The following ZNF800 variants were observed in gnomAD, a reference collection of about 807,000 sequenced individuals.
ZNF800 encodes zinc finger protein 800.
Under a neutral mutation model 59.5 loss-of-function variants are expected in ZNF800, and 13 were observed. The ratio of observed to expected loss-of-function variants is 0.22; its 90% CI spans 0.14 to 0.35. The LOEUF is 0.35. Ranked by LOEUF, ZNF800 falls within the 10% of genes least tolerant of loss-of-function variation. The probability of loss-of-function intolerance (pLI) is 1.00; values close to 1 mark genes in which losing one functional copy is unlikely to be tolerated. For missense variants in ZNF800, 621 were observed against 783.7 expected, an observed-to-expected ratio of 0.79 and a Z score of 2.48; for synonymous variants, 266 against 265.7, an observed-to-expected ratio of 1.00 and a Z score of -0.01.
At chr7:127,354,214 A>T in intron 1 of ZNF800, among the ~76,000 whole-genome samples, 1 of 152,174 alleles carries the variant, frequency 6.6e-6, no homozygotes, top group Non-Finnish European at 1.5e-5. Flanking sequence ...ACAGCTATTT[A>T]TAAATTTCCC....
intron 1 of ZNF800, chr7:127,348,111 G>A (rs1285039127): frequency 2.6e-5 from 4 of 152,058 alleles, no homozygotes; most frequent in African/African-American, 9.7e-5. Flanking sequence ...TAGAAACCAA[G>A]GAAAGAGCGC....
chr7:127,383,534 T>C (rs1023027821), intron 3 of ZNF800, among the ~76,000 whole-genome samples: 7 of 152,122 alleles, frequency 4.6e-5, no homozygotes, highest in Non-Finnish European at 8.8e-5. Context: ...TAGAGTGGAA[T>C]AGGAAGAACA....
rs757192228 is a variant in ZNF800, at chr7:127,371,804, C to A, written c.*10G>T. 5.2e-6 allele frequency: 4 copies of A among 767,136 alleles called. No homozygotes were observed. Among genetic ancestry groups the A allele is most frequent in the South Asian group, 1.4e-5 (1 of 71,758 alleles). The allele number at this position is 767,136 out of a possible 1,614,324, so 47.5% of individuals were successfully genotyped here. On this transcript the variant is annotated 3_prime_UTR_variant, in exon 6 of 6. Coordinates refer to ENST00000265827, the MANE Select transcript of ZNF800 (RefSeq NM_176814.5). ...GAACTCCAAACCTTTTCGTACATCA[C>A]TTGAAGTTATCTGAGGAGAAATGGG...
downstream of ZNF800, among the ~76,000 whole-genome samples, chr7:127,368,693 T>C (rs761158950): frequency 1.3e-5 from 2 of 152,044 alleles, no homozygotes; most frequent in South Asian, 2.1e-4. Context: ...TCTACCTATC[T>C]CCACATGTAT....
chr7:127,366,147 G>GA, downstream of ZNF800, among the ~76,000 whole-genome samples: 1 of 152,152 alleles, frequency 6.6e-6, no homozygotes, highest in Non-Finnish European at 1.5e-5. Flanking sequence ...AGGTCTTCTT[G>GA]ACTCTTAAAA....
At chr7:127,349,698 C>T (rs1436040342) in intron 1 of ZNF800, 1 of 152,082 alleles carries the variant, frequency 6.6e-6, no homozygotes, top group Admixed American at 6.5e-5. Flanking sequence ...AGAATAAATC[C>T]TCTTAAGGCC....
At chr7:127,379,833 G>GCCCCCC (rs1184865878) in intron 3 of ZNF800, among the ~76,000 whole-genome samples, 13 of 12,702 alleles carry the variant, frequency 1.0e-3, no homozygotes, top group East Asian at 9.3e-3. Flanking sequence ...CCTTACCCTT[G>GCCCCCC]CCACCCCCCC....
At chr7:127,357,131 T>C (rs1383649857) in intron 1 of ZNF800, among the ~76,000 whole-genome samples, 2 of 152,022 alleles carry the variant, frequency 1.3e-5, no homozygotes, top group African/African-American at 4.8e-5. Flanking sequence ...AGGTACGTGG[T>C]GGTAAATAGG....
chr7:127,345,507 G>A (rs1800043911), downstream of ZNF800, among the ~76,000 whole-genome samples: 1 of 152,142 alleles, frequency 6.6e-6, no homozygotes, highest in South Asian at 2.1e-4. Flanking sequence ...TGGTGGGAGA[G>A]AGGGTGGCTG....
intron 1 of ZNF800, chr7:127,363,395 A>G (rs772483675): frequency 6.6e-6 from 1 of 152,090 alleles, no homozygotes; most frequent in Non-Finnish European, 1.5e-5. Flanking sequence ...ACCTAGTAAC[A>G]AAACAAAAGC....
In ZNF800 at chr7:127,371,524, G is replaced by T. The variant is rs949635811; in HGVS notation, c.*290C>A. On this transcript the variant is annotated 3_prime_UTR_variant, in exon 6 of 6. Coordinates refer to ENST00000265827, the MANE Select transcript of ZNF800 (RefSeq NM_176814.5). ...AGAAAACAAAATTTGTAACATTTTT[G>T]TAGAAACTGTCGACCAAATGCACAA... 3.4e-6 allele frequency: 1 copy of T among 291,230 alleles called. No homozygotes were observed. Among genetic ancestry groups the T allele is most frequent in the Non-Finnish European group, 6.3e-6 (1 of 158,010 alleles). 18.0% of individuals were successfully genotyped at this position (291,230 alleles called of 1,614,324 possible). A position where few individuals can be genotyped will look rare whatever the true frequency, so the allele number is the denominator to read the frequency against.
chr7:127,363,794 G>A (rs761568588), intron 1 of ZNF800: 28 of 151,946 alleles, frequency 1.8e-4, no homozygotes, highest in Admixed American at 9.2e-4. Context: ...AGCCAAAAGA[G>A]GCTAAAGTGA....
chr7:127,375,823 C>G (rs772687278), intron 4 of ZNF800, among the ~76,000 whole-genome samples: 189 of 152,050 alleles, frequency 1.2e-3, no homozygotes, highest in Non-Finnish European at 1.2e-3. Context: ...AGTACCAAAT[C>G]TGGTATCTAT....
At chr7:127,388,143 A>G (rs1801195121) in intron 2 of ZNF800, among the ~76,000 whole-genome samples, 1 of 152,182 alleles carries the variant, frequency 6.6e-6, no homozygotes, top group Non-Finnish European at 1.5e-5. Context: ...ATAGGGTTGT[A>G]TAGGGGTTAA....
chr7:127,375,083 A>T, intron 4 of ZNF800, 49 bp from the exon 5 acceptor site: 1 of 1,432,934 alleles, frequency 7.0e-7, no homozygotes, highest in Non-Finnish European at 9.3e-7. Flanking sequence ...AGCCTGCTGT[A>T]GCCCTCTAAT....
Position 127,392,071 on chromosome 7 carries a change from G to T in ZNF800, c.-70C>A, listed in dbSNP as rs1483423724. 1 of 390,646 alleles carries T rather than the reference G, an allele frequency of 2.6e-6. No individual in the cohort carries two copies. Among genetic ancestry groups the T allele is most frequent in the Non-Finnish European group, 4.5e-6 (1 of 221,236 alleles). The allele number at this position is 390,646 out of a possible 1,614,324, so 24.2% of individuals were successfully genotyped here. The stretch of plus-strand genomic sequence containing the variant: ...TGCGCCCAACTTACTCAACTCTTAG[G>T]GCGGGCCGGCGGGCGGGCGGAAGGA... On this transcript the variant is annotated 5_prime_UTR_variant, in exon 1 of 6. Coordinates refer to ENST00000265827, the MANE Select transcript of ZNF800 (RefSeq NM_176814.5).
chr7:127,383,384 T>C (rs548203191), intron 3 of ZNF800, among the ~76,000 whole-genome samples: 1 of 152,370 alleles, frequency 6.6e-6, no homozygotes, highest in Non-Finnish European at 1.5e-5. Context: ...AGCAAAAGCA[T>C]GGACTTCAGG....
chr7:127,384,147 C>G (rs1266700142), intron 3 of ZNF800, among the ~76,000 whole-genome samples: 1 of 148,320 alleles, frequency 6.7e-6, no homozygotes, highest in Non-Finnish European at 1.5e-5. Context: ...TGTACCCACA[C>G]AGATTTTGGG....
chr7:127,346,546 G>T (rs1800067428), downstream of ZNF800, among the ~76,000 whole-genome samples: 1 of 152,202 alleles, frequency 6.6e-6, no homozygotes, highest in Non-Finnish European at 1.5e-5. Flanking sequence ...ACAGAATCTA[G>T]ACTAAGCAAG....
Sources: gnomAD v4.1 joint callset for allele counts (sites outside exome capture counted in the v4.1 genomes callset) on GRCh38, gnomAD v4.1.1 for gene constraint, MANE v1.5 for transcripts, NCBI Gene and HGNC (gene_info 2026-07-23, HGNC 2026-07-21) for gene names.